Variants in PXK observed in about 807,000 individuals in gnomAD.
The protein encoded by PXK is PX domain containing serine/threonine kinase like.
Under a neutral mutation model 84.7 loss-of-function variants are expected in PXK, and 35 were observed. The ratio of observed to expected loss-of-function variants is 0.41; its 90% CI spans 0.32 to 0.55. PXK has a LOEUF of 0.55. PXK is among the 20% of genes least tolerant of loss of function. PXK has a pLI of 0.21. For missense variants in PXK, 634 were observed against 699.7 expected, an observed-to-expected ratio of 0.91 and a Z score of 1.06; for synonymous variants, 253 against 260.8, an observed-to-expected ratio of 0.97 and a Z score of 0.29.
chr3:58,420,147 A>G (rs1217386666), intron 17 of PXK, among the ~76,000 whole-genome samples: 1 of 152,208 alleles, frequency 6.6e-6, no homozygotes, highest in Admixed American at 6.5e-5. Flanking sequence ...TTAATAATAG[A>G]ACTAAGCACA....
intron 4 of PXK, among the ~76,000 whole-genome samples, chr3:58,387,366 A>G (rs986635175): frequency 6.6e-6 from 1 of 152,190 alleles, no homozygotes; most frequent in East Asian, 1.9e-4. Flanking sequence ...TTCCTGCTTC[A>G]TCAGATATTT....
At chr3:58,334,394 T>G (rs1219461431) in intron 1 of PXK, among the ~76,000 whole-genome samples, 1 of 152,256 alleles carries the variant, frequency 6.6e-6, no homozygotes, top group Non-Finnish European at 1.5e-5. Flanking sequence ...TGCTATCATT[T>G]GTGCCTAAAG....
chr3:58,369,679 C>T (rs1470371730), intron 3 of PXK, among the ~76,000 whole-genome samples: 1 of 152,062 alleles, frequency 6.6e-6, no homozygotes, highest in African/African-American at 2.4e-5. Context: ...ACAAAATTAG[C>T]CAGGCGTGGT....
chr3:58,413,153 T>A, intron 17 of PXK, 190 bp downstream of exon 17: 1 of 652,084 alleles, frequency 1.5e-6, no homozygotes, highest in Non-Finnish European at 2.7e-6. Flanking sequence ...CAAGCTCGGC[T>A]TTCACAGGGA....
In PXK at chr3:58,400,211, G is replaced by T. The variant is rs966246998; in HGVS notation, c.1181+834G>T. ...GGTAGTTGGGAGGATTTAATGAGGT[G>T]ATTCCTAGTAGGGACCCGGCACTTA... On this transcript the variant is annotated intron_variant, in intron 12 of 17. Coordinates refer to ENST00000356151, the MANE Select transcript of PXK (RefSeq NM_017771.5). This position sits in a 1 kb window ranked among gnomAD's most constrained non-coding sequence, Gnocchi z 4.0. 1.3e-5 allele frequency among the ~76,000 whole-genome samples: 2 copies of T among 152,172 alleles called. No homozygotes were observed. The highest frequency in any genetic ancestry group is 4.8e-5 in the African/African-American group (2 of 41,440).
In PXK at chr3:58,424,628, A is replaced by G. The variant is rs551068581; in HGVS notation, c.1529-124A>G. The G allele has an allele frequency of 3.0e-4, 397 of 1,318,246 alleles. 3 individuals carry two copies. The South Asian group carries it at 5.2e-3, about 17-fold the overall frequency. 81.7% of individuals were successfully genotyped at this position (1,318,246 alleles called of 1,614,324 possible). A position where few individuals can be genotyped will look rare whatever the true frequency, so the allele number is the denominator to read the frequency against. ...TTTAAGAACTCATACAGTACTAGGT[A>G]TGTTGGTCCCTCTGAGAAAAACATG... On this transcript the variant is annotated intron_variant, in intron 17 of 17. Coordinates refer to ENST00000356151, the MANE Select transcript of PXK (RefSeq NM_017771.5).
rs754275774 is a variant in PXK at position 58,409,585 on chromosome 3, G to C, written c.1362G>C (p.Glu454Asp). 1 of 1,611,186 alleles carries C rather than the reference G, an allele frequency of 6.2e-7. No individual in the cohort carries two copies. The highest frequency in any genetic ancestry group is 1.3e-5 in the African/African-American group (1 of 74,528). ...CTCAGTCCCACCATGGATCTGAGGA[G>C]GAAAGAAAAAAAAGAAAGATTTTAG... ...TRAQSHHGSE[E>D]ERKKRKILAR... The change falls in exon 15 of 18, where the codon GAG (glutamate) becomes GAC (aspartate). Residue 454 changes from glutamate (E) to aspartate (D), a missense_variant. Glu to Asp is a conservative substitution (Grantham distance 45). Coordinates refer to ENST00000356151, the MANE Select transcript of PXK (RefSeq NM_017771.5). The surrounding 1 kb of genome is among the most constrained non-coding windows in gnomAD (Gnocchi z 4.2).
intron 3 of PXK, among the ~76,000 whole-genome samples, chr3:58,382,299 T>C (rs1233607643): frequency 5.9e-5 from 9 of 152,132 alleles, no homozygotes; most frequent in Non-Finnish European, 1.3e-4. Context: ...CTGGGTGACA[T>C]AGTAAACTCC....
chr3:58,375,415 C>T (rs1332752544), intron 3 of PXK, among the ~76,000 whole-genome samples: 1 of 152,150 alleles, frequency 6.6e-6, no homozygotes, highest in Non-Finnish European at 1.5e-5. Context: ...CCAACCCACT[C>T]CTAGAAATGG....
intron 1 of PXK, among the ~76,000 whole-genome samples, chr3:58,363,328 T>C (rs2098219615): frequency 6.6e-6 from 1 of 152,158 alleles, no homozygotes; most frequent in Non-Finnish European, 1.5e-5. Context: ...TGTGGCCTTG[T>C]TGAACTCAAT....
chr3:58,412,048 C>A lies in PXK; in HGVS notation c.1466-853C>A, dbSNP rs55711525. ...ACACCAGCTCTGGTGGCTTCTCAGG[C>A]GTGTGATGGCAGCCCTCTGGGTGTG... On this transcript the variant is annotated intron_variant, in intron 16 of 17. Coordinates refer to ENST00000356151, the MANE Select transcript of PXK (RefSeq NM_017771.5). This position sits in a 1 kb window ranked among gnomAD's most constrained non-coding sequence, Gnocchi z 6.2. Among the ~76,000 whole-genome samples the A allele has an allele frequency of 0.29, 44,574 of 151,802 alleles. 7,327 individuals are homozygous for A. Among genetic ancestry groups the A allele is most frequent in the Middle Eastern group, 0.39 (116 of 294 alleles).
chr3:58,409,328 G>A lies in PXK; in HGVS notation c.1309-204G>A, dbSNP rs2059845071. On this transcript the variant is annotated intron_variant, in intron 14 of 17. Transcript: ENST00000356151. The surrounding 1 kb of genome is among the most constrained non-coding windows in gnomAD (Gnocchi z 4.2). ...CTGTAAAAGAGGGAAAGGCAGGAAG[G>A]CATTAGGGGCATGAGAAAGGACCTC... 6.6e-6 allele frequency among the ~76,000 whole-genome samples: 1 copy of A among 152,192 alleles called. No individual in the cohort carries two copies. Among genetic ancestry groups the A allele is most frequent in the East Asian group, 1.9e-4 (1 of 5,194 alleles).
chr3:58,369,324 G>A (rs1468913522), intron 2 of PXK, 107 bp from the exon 3 acceptor site: 8 of 807,244 alleles, frequency 9.9e-6, no homozygotes, highest in Non-Finnish European at 1.6e-5. Flanking sequence ...TAGCACAAGT[G>A]CCTGAGCTCT....
chr3:58,372,422 A>G (rs1576190375), intron 3 of PXK, among the ~76,000 whole-genome samples: 1 of 151,706 alleles, frequency 6.6e-6, no homozygotes, highest in African/African-American at 2.4e-5. Context: ...TCCCGGGTTC[A>G]CCTCATTCTC....
In PXK at chr3:58,383,240, C is replaced by T. The variant is rs181505435; in HGVS notation, c.388+540C>T. Among the ~76,000 whole-genome samples, 841 of 152,050 alleles carry T rather than the reference C, an allele frequency of 5.5e-3. 9 individuals are homozygous for T. The highest frequency in any genetic ancestry group is 0.019 in the African/African-American group (802 of 41,480). ...CCGGGAGGTGGAGGTTGCAGTGAGC[C>T]GAGATAGCACCACTGCACTCTAGCC... On this transcript the variant is annotated intron_variant, in intron 4 of 17. Transcript: ENST00000356151. The surrounding 1 kb of genome is among the most constrained non-coding windows in gnomAD (Gnocchi z 4.0).
chr3:58,363,332 A>G (rs1300565576), intron 1 of PXK, among the ~76,000 whole-genome samples: 1 of 151,932 alleles, frequency 6.6e-6, no homozygotes, highest in Non-Finnish European at 1.5e-5. Context: ...GCCTTGTTGA[A>G]CTCAATTAAT....
Position 58,410,137 on chromosome 3 carries a change from G to A in PXK, c.1443G>A (p.Lys481=), listed in dbSNP as rs747203857. 1 of 1,596,508 alleles carries A rather than the reference G, an allele frequency of 6.3e-7. No individual in the cohort carries two copies. The highest frequency in any genetic ancestry group is 1.1e-5 in the South Asian group (1 of 90,750). ...AAAATAGTGAAGAGCATTCAGCGAA[G>A]TACAGCAACTCCAATAATTCAGGTA... is the stretch of plus-strand genomic sequence containing the variant. ...ALENSEEHSA[K]YSNSNNSAGS... is the part of the protein sequence containing the mutation. The change falls in exon 16 of 18, where the codon AAG becomes AAA. Residue 481 remains lysine (K), a synonymous_variant. Transcript: ENST00000356151.
At chr3:58,337,011 C>T (rs184675996) in intron 1 of PXK, among the ~76,000 whole-genome samples, 5 of 152,038 alleles carry the variant, frequency 3.3e-5, no homozygotes, top group East Asian at 3.9e-4. Context: ...GGTTTCACCA[C>T]GTTGACTAGG....
At position 58,421,929 on chromosome 3, in the gene PXK, C is replaced by T; in HGVS notation, c.1529-2823C>T. 2 of 985,414 alleles carry T rather than the reference C, an allele frequency of 2.0e-6. No homozygotes were observed. Among genetic ancestry groups the T allele is most frequent in the Non-Finnish European group, 2.4e-6 (2 of 829,930 alleles). 61.0% of individuals were successfully genotyped at this position (985,414 alleles called of 1,614,324 possible). A position where few individuals can be genotyped will look rare whatever the true frequency, so the allele number is the denominator to read the frequency against. ...GTCTAACATGGAATCGGTCTGCTCT[C>T]ATATGTGGCCTGGAGATAAGGGTAT... On this transcript the variant is annotated intron_variant, in intron 17 of 17. Coordinates refer to ENST00000356151, the MANE Select transcript of PXK (RefSeq NM_017771.5). The surrounding 1 kb of genome is among the most constrained non-coding windows in gnomAD (Gnocchi z 5.5).
Sources: allele counts gnomAD v4.1 joint callset (sites outside exome capture counted in the v4.1 genomes callset), GRCh38; gene constraint gnomAD v4.1.1; non-coding constraint Gnocchi (gnomAD v3.1); transcripts MANE v1.5; gene names NCBI Gene and HGNC (gene_info 2026-07-23, HGNC 2026-07-21).